CDH18: variants seen among roughly 807,000 people sequenced by gnomAD.
The protein encoded by CDH18 is cadherin 18.
In CDH18, 31 loss-of-function variants were observed where a neutral mutation model predicts 67.9. That is an observed-to-expected ratio of 0.46 (90% CI 0.34 to 0.62). The LOEUF is 0.62. CDH18 is among the 20% of genes least tolerant of loss of function. The pLI, the probability that CDH18 is intolerant of heterozygous loss-of-function variation, is 0.01. For missense variants in CDH18, 890 were observed against 975.5 expected (o/e 0.91, Z 1.17); for synonymous variants, 362 against 347.2 (o/e 1.04, Z -0.48).
intron 2 of CDH18, among the ~76,000 whole-genome samples, chr5:20,161,761 T>A (rs1735908004): frequency 6.6e-6 from 1 of 152,212 alleles, no homozygotes; most frequent in Admixed American, 6.5e-5. Context: ...CTGAAACTTA[T>A]CAACGGAAAT....
At chr5:20,011,450 T>C (rs1202749452) in intron 2 of CDH18, among the ~76,000 whole-genome samples, 2 of 152,148 alleles carry the variant, frequency 1.3e-5, no homozygotes, top group African/African-American at 4.8e-5. Flanking sequence ...CTTTATTTCT[T>C]CCTCTTGCCT....
intron 2 of CDH18, among the ~76,000 whole-genome samples, chr5:19,886,778 G>C (rs1305085657): frequency 6.6e-6 from 1 of 152,030 alleles, no homozygotes; most frequent in Admixed American, 6.6e-5. Context: ...TGTCCCCTTT[G>C]TTCACTGGTT....
At chr5:20,161,049 G>A (rs1355298616) in intron 2 of CDH18, among the ~76,000 whole-genome samples, 1 of 152,194 alleles carries the variant, frequency 6.6e-6, no homozygotes, top group Non-Finnish European at 1.5e-5. Context: ...ACAGAACTGA[G>A]TGTTTGGAAA....
intron 1 of CDH18, among the ~76,000 whole-genome samples, chr5:20,552,051 C>T (rs1044978924): frequency 6.6e-6 from 1 of 151,708 alleles, no homozygotes; most frequent in Non-Finnish European, 1.5e-5. Flanking sequence ...TTTGAGTGTT[C>T]AAATATTCAA....
chr5:20,074,235 T>A (rs1743735323), intron 2 of CDH18, among the ~76,000 whole-genome samples: 1 of 152,158 alleles, frequency 6.6e-6, no homozygotes, highest in African/African-American at 2.4e-5. Flanking sequence ...TCATTTTGAA[T>A]GCCTGTTACC....
chr5:19,978,445 G>C (rs1798711095), intron 2 of CDH18, among the ~76,000 whole-genome samples: 3 of 151,996 alleles, frequency 2.0e-5, no homozygotes, highest in Admixed American at 6.6e-5. Flanking sequence ...ATGATGTGCT[G>C]TTTATATATA....
At chr5:19,776,795 T>C (rs918382464) in intron 3 of CDH18, among the ~76,000 whole-genome samples, 2 of 152,180 alleles carry the variant, frequency 1.3e-5, no homozygotes, top group Non-Finnish European at 2.9e-5. Context: ...CTGAACAATG[T>C]AAATGTTCCA....
At chr5:20,123,942 T>C (rs558057325) in intron 2 of CDH18, among the ~76,000 whole-genome samples, 99 of 149,464 alleles carry the variant, frequency 6.6e-4, no homozygotes, top group African/African-American at 2.3e-3. Context: ...GAATATGATA[T>C]CTACTTCAGT....
intron 2 of CDH18, among the ~76,000 whole-genome samples, chr5:20,102,111 T>C (rs1305242858): frequency 6.6e-6 from 1 of 151,962 alleles, no homozygotes. Context: ...CAGCTAAATC[T>C]CTCTTCATTT....
At chr5:19,936,548 C>A (rs1794289134) in intron 2 of CDH18, among the ~76,000 whole-genome samples, 1 of 150,876 alleles carries the variant, frequency 6.6e-6, no homozygotes, top group Admixed American at 6.6e-5. Flanking sequence ...CAAATAGGTA[C>A]TCTAAGGTTT....
At chr5:19,848,062 CT>C (rs1783202041) in intron 2 of CDH18, 1 of 152,166 alleles carries the variant, frequency 6.6e-6, no homozygotes, top group African/African-American at 2.4e-5. Context: ...CTTTACTCTT[CT>C]CTTTATCCCT....
intron 2 of CDH18, among the ~76,000 whole-genome samples, chr5:19,878,510 T>C (rs76543338): frequency 9.4e-4 from 143 of 152,218 alleles, no homozygotes; most frequent in East Asian, 4.4e-3. Context: ...TCCTGAGTTA[T>C]TTCTGTGGCT....
chr5:19,977,743 T>C (rs1166408585), intron 2 of CDH18, among the ~76,000 whole-genome samples: 1 of 152,166 alleles, frequency 6.6e-6, no homozygotes, highest in African/African-American at 2.4e-5. Flanking sequence ...AACATTTTCA[T>C]AGGTGTTATG....
At chr5:19,541,044 G>T (rs755409714) in intron 9 of CDH18, among the ~76,000 whole-genome samples, 7 of 151,708 alleles carry the variant, frequency 4.6e-5, no homozygotes, top group African/African-American at 1.7e-4. Context: ...ACTCTTTGTC[G>T]CTTAGAGATT....
chr5:20,103,207 GTCTA>G (rs994762795), intron 2 of CDH18, among the ~76,000 whole-genome samples: 5 of 152,160 alleles, frequency 3.3e-5, no homozygotes, highest in African/African-American at 1.2e-4. Context: ...GCTGGAATAT[GTCTA>G]TCTTTTGATT....
intron 5 of CDH18, among the ~76,000 whole-genome samples, chr5:19,709,887 C>A (rs1346505622): frequency 2.0e-5 from 3 of 152,068 alleles, no homozygotes; most frequent in Non-Finnish European, 4.4e-5. Context: ...GTAATTCCAG[C>A]ACTTTGGGAG....
At chr5:20,191,695 AT>A (rs1292788770) in intron 2 of CDH18, among the ~76,000 whole-genome samples, 1 of 151,928 alleles carries the variant, frequency 6.6e-6, no homozygotes, top group Non-Finnish European at 1.5e-5. Flanking sequence ...GACCTCATTC[AT>A]TTTTACTGTG....
At chr5:20,168,931 T>C (rs1377162017) in intron 2 of CDH18, among the ~76,000 whole-genome samples, 4 of 151,904 alleles carry the variant, frequency 2.6e-5, no homozygotes, top group Non-Finnish European at 4.4e-5. Context: ...ATCAAAGCAA[T>C]TGAACTCATG....
chr5:19,587,343 C>G (rs552473823), intron 7 of CDH18, among the ~76,000 whole-genome samples: 14 of 152,096 alleles, frequency 9.2e-5, no homozygotes, highest in Non-Finnish European at 1.8e-4. Context: ...CTTTAGGGCT[C>G]TTCGTCATGA....
Sources: gnomAD v4.1 joint callset for allele counts (sites outside exome capture counted in the v4.1 genomes callset) on GRCh38, gnomAD v4.1.1 for gene constraint, MANE v1.5 for transcripts, NCBI Gene and HGNC (gene_info 2026-07-23, HGNC 2026-07-21) for gene names.